C8orf34: variants seen among roughly 807,000 people sequenced by gnomAD.
C8orf34 encodes the protein uncharacterized protein C8orf34.
C8orf34 carries 65 observed loss-of-function variants against 68.3 expected under a neutral mutation model. The observed-to-expected ratio is 0.95, with a 90% CI of 0.78 to 1.17. The LOEUF (loss-of-function observed/expected upper bound fraction) is 1.17, where lower values mean the gene tolerates loss of function less well. Ranked by LOEUF, C8orf34 falls within the 50% of genes most tolerant of loss-of-function variation. The pLI is 0.00. For missense variants in C8orf34, 664 were observed against 655.4 expected, an observed-to-expected ratio of 1.01 and a Z score of -0.14; for synonymous variants, 244 against 241.2, an observed-to-expected ratio of 1.01 and a Z score of -0.11.
At chr8:68,526,520 C>T (rs375923811) in intron 6 of C8orf34, among the ~76,000 whole-genome samples, 3 of 152,236 alleles carry the variant, frequency 2.0e-5, no homozygotes, top group Admixed American at 6.5e-5. Flanking sequence ...ATGACAAGCA[C>T]TTAAGTGTCT....
chr8:68,509,164 G>A (rs775793295), intron 5 of C8orf34, among the ~76,000 whole-genome samples: 1 of 152,166 alleles, frequency 6.6e-6, no homozygotes, highest in Non-Finnish European at 1.5e-5. Flanking sequence ...TGCTGACAGG[G>A]GGCACTGTGT....
intron 12 of C8orf34, among the ~76,000 whole-genome samples, chr8:68,793,344 T>A (rs1489485361): frequency 6.6e-6 from 1 of 152,208 alleles, no homozygotes; most frequent in Admixed American, 6.5e-5. Flanking sequence ...TACTCACAGA[T>A]CTTTACTGAA....
intron 7 of C8orf34, among the ~76,000 whole-genome samples, chr8:68,617,739 T>C (rs1249724761): frequency 6.6e-6 from 1 of 152,180 alleles, no homozygotes; most frequent in Non-Finnish European, 1.5e-5. Context: ...ATTTCAACTT[T>C]GGTGAATCTG....
chr8:68,556,515 G>A (rs1379457410), intron 7 of C8orf34, among the ~76,000 whole-genome samples: 1 of 152,040 alleles, frequency 6.6e-6, no homozygotes, highest in African/African-American at 2.4e-5. Context: ...TTGTGAGCTT[G>A]TTTTGAAGAC....
At chr8:68,506,280 T>C (rs1814019373) in intron 5 of C8orf34, among the ~76,000 whole-genome samples, 2 of 152,260 alleles carry the variant, frequency 1.3e-5, no homozygotes, top group African/African-American at 4.8e-5. Context: ...CAACAGTTCA[T>C]AATTTTTTTA....
chr8:68,367,919 A>AAAAAAAAAAAAAAAAAAAAAAAAAAAAG, intron 1 of C8orf34, among the ~76,000 whole-genome samples: 1 of 135,308 alleles, frequency 7.4e-6, no homozygotes, highest in Non-Finnish European at 1.5e-5. Context: ...AAAGAAAAAA[A>AAAAAAAAAAAAAAAAAAAAAAAAAAAAG]AAAAAAAAAA....
intron 1 of C8orf34, among the ~76,000 whole-genome samples, chr8:68,358,905 G>T (rs1328820670): frequency 1.3e-5 from 2 of 151,816 alleles, no homozygotes; most frequent in East Asian, 3.9e-4. Context: ...ACTGTTGTTG[G>T]TCACTCTGGC....
intron 12 of C8orf34, among the ~76,000 whole-genome samples, chr8:68,811,466 A>C (rs1187682951): frequency 1.3e-5 from 2 of 152,154 alleles, no homozygotes; most frequent in Non-Finnish European, 2.9e-5. Flanking sequence ...AGACGCAGGC[A>C]GCTTCCACCT....
rs540403412 is a variant in C8orf34 at position 68,773,308 on chromosome 8, CG to C, written c.1405-3090del. ...TCAGAGATACTGATGCCTTATTCTT[CG>C]TTGTGTCCACTTGGCCTTGTACCAC... On this transcript the variant is annotated intron_variant, in intron 10 of 13. Transcript: ENST00000518698. 2.0e-5 allele frequency among the ~76,000 whole-genome samples: 3 copies of C among 152,248 alleles called. No individual in the cohort carries two copies. The South Asian group carries it at 6.2e-4, about 32-fold the overall frequency.
chr8:68,596,972 C>T (rs529061123), intron 7 of C8orf34, among the ~76,000 whole-genome samples: 2 of 152,218 alleles, frequency 1.3e-5, no homozygotes, highest in East Asian at 3.9e-4. Flanking sequence ...ATGGATCTTC[C>T]ATGTACATGC....
At chr8:68,756,537 C>A (rs1328413111) in intron 10 of C8orf34, among the ~76,000 whole-genome samples, 1 of 151,774 alleles carries the variant, frequency 6.6e-6, no homozygotes, top group African/African-American at 2.4e-5. Flanking sequence ...TAAATGGAAA[C>A]TTTAAGGATG....
At chr8:68,610,857 TTTGG>T (rs1249217453) in intron 7 of C8orf34, among the ~76,000 whole-genome samples, 1 of 130,238 alleles carries the variant, frequency 7.7e-6, no homozygotes, top group African/African-American at 3.9e-5. Context: ...ACAGTGAATC[TTTGG>T]TTTTTTTTTT....
intron 3 of C8orf34, among the ~76,000 whole-genome samples, chr8:68,452,324 C>G (rs1411690180): frequency 6.6e-6 from 1 of 151,098 alleles, no homozygotes; most frequent in Non-Finnish European, 1.5e-5. Context: ...GAGGAGCTGC[C>G]AACTTTTTTT....
At chr8:68,405,194 A>G (rs1809141850) in intron 1 of C8orf34, among the ~76,000 whole-genome samples, 1 of 152,076 alleles carries the variant, frequency 6.6e-6, no homozygotes, top group African/African-American at 2.4e-5. Context: ...CCTGATATCA[A>G]TGTTAGCTTA....
intron 1 of C8orf34, among the ~76,000 whole-genome samples, chr8:68,436,649 GC>G (rs1249888029): frequency 2.0e-5 from 3 of 152,136 alleles, no homozygotes; most frequent in Admixed American, 1.3e-4. Flanking sequence ...CCCTGGAAGT[GC>G]CGTTTCCTAC....
At chr8:68,609,037 A>G (rs1258741844) in intron 7 of C8orf34, among the ~76,000 whole-genome samples, 1 of 152,098 alleles carries the variant, frequency 6.6e-6, no homozygotes, top group Non-Finnish European at 1.5e-5. Flanking sequence ...AGCTGGGTGC[A>G]GTGGTACTGG....
At chr8:68,774,329 GTGTA>G (rs200791486) in intron 10 of C8orf34, among the ~76,000 whole-genome samples, 1,825 of 126,868 alleles carry the variant, frequency 0.014, 55 homozygotes, top group Middle Eastern at 0.038. Context: ...ATGGGTGTGT[GTGTA>G]TATATATATA....
chr8:68,403,551 C>T (rs1279392328), intron 1 of C8orf34, among the ~76,000 whole-genome samples: 1 of 151,994 alleles, frequency 6.6e-6, no homozygotes, highest in Admixed American at 6.6e-5. Context: ...CACCCCCTGA[C>T]AGGCCTTGGT....
intron 2 of C8orf34, among the ~76,000 whole-genome samples, chr8:68,443,763 T>A (rs1332326727): frequency 6.6e-6 from 1 of 152,154 alleles, no homozygotes; most frequent in Non-Finnish European, 1.5e-5. Flanking sequence ...ATGGGTATCA[T>A]ACTTTTCAGA....
Sources: allele counts gnomAD v4.1 joint callset (sites outside exome capture counted in the v4.1 genomes callset), GRCh38; gene constraint gnomAD v4.1.1; transcripts MANE v1.5; gene names NCBI Gene and HGNC (gene_info 2026-07-23, HGNC 2026-07-21).